CDC42BPA: variants seen among roughly 807,000 people sequenced by gnomAD.
The protein encoded by CDC42BPA is CDC42 binding protein kinase alpha.
Under a neutral mutation model 223.5 loss-of-function variants are expected in CDC42BPA, and 80 were observed. That is an observed-to-expected ratio of 0.36 (90% CI 0.30 to 0.43). CDC42BPA has a LOEUF of 0.43. Among genes scored for constraint, CDC42BPA ranks in the 20% least tolerant of loss-of-function variants. CDC42BPA has a pLI of 1.00. For missense variants in CDC42BPA, 1,743 were observed against 2,099.9 expected, an observed-to-expected ratio of 0.83 and a Z score of 3.32; for synonymous variants, 694 against 718.6, an observed-to-expected ratio of 0.97 and a Z score of 0.55.
chr1:227,183,929 C>T (rs1208018092), intron 5 of CDC42BPA, among the ~76,000 whole-genome samples: 1 of 152,154 alleles, frequency 6.6e-6, no homozygotes, highest in African/African-American at 2.4e-5. Context: ...TTTTAACTGG[C>T]ATTTTCGTAA....
intron 2 of CDC42BPA, among the ~76,000 whole-genome samples, chr1:227,247,672 G>A (rs1018669090): frequency 3.3e-5 from 5 of 151,302 alleles, no homozygotes; most frequent in Non-Finnish European, 7.4e-5. Context: ...ATCATCTGAC[G>A]TCAGGAGTTC....
chr1:227,135,317 A>T lies in CDC42BPA; in HGVS notation c.1390+4259T>A, dbSNP rs75963817. Among the ~76,000 whole-genome samples the T allele has an allele frequency of 3.7e-3, 562 of 152,300 alleles. 3 individuals are homozygous for T. Among genetic ancestry groups the T allele is most frequent in the African/African-American group, 0.013 (543 of 41,566 alleles). ...AGGGAGCTTTGAAAAGTCAGACAGA[A>T]ATCTCCGATAGTACAGAATTATTTC... is the stretch of plus-strand genomic sequence containing the variant. On this transcript the variant is annotated intron_variant, in intron 10 of 36. Transcript: ENST00000366766.
intron 2 of CDC42BPA, among the ~76,000 whole-genome samples, chr1:227,214,774 A>G (rs576768966): frequency 6.6e-5 from 10 of 152,280 alleles, no homozygotes; most frequent in African/African-American, 2.4e-4. Flanking sequence ...ACAGTACTCT[A>G]CAATTCACCA....
chr1:227,200,214 T>G (rs990420158), intron 3 of CDC42BPA, among the ~76,000 whole-genome samples: 5 of 152,168 alleles, frequency 3.3e-5, no homozygotes, highest in African/African-American at 1.2e-4. Context: ...GCAGATTGCT[T>G]GAGCACAGGA....
intron 27 of CDC42BPA, among the ~76,000 whole-genome samples, chr1:227,031,988 A>T (rs1222505375): frequency 3.3e-5 from 5 of 152,230 alleles, no homozygotes; most frequent in Non-Finnish European, 5.9e-5. Context: ...AGGACATACA[A>T]CTACAAGTCT....
intron 11 of CDC42BPA, among the ~76,000 whole-genome samples, chr1:227,126,523 A>AGGAAGGAAGGAAG (rs1558556516): frequency 9.3e-5 from 9 of 96,510 alleles, no homozygotes; most frequent in Admixed American, 7.0e-4. Flanking sequence ...AAGGAAGGTA[A>AGGAAGGAAGGAAG]GAAAGGAAAA....
At chr1:227,071,884 T>C (rs939789666) in intron 20 of CDC42BPA, among the ~76,000 whole-genome samples, 3 of 151,670 alleles carry the variant, frequency 2.0e-5, no homozygotes, top group African/African-American at 7.3e-5. Context: ...AAAATAAAAT[T>C]TTTTTCCAAT....
intron 1 of CDC42BPA, among the ~76,000 whole-genome samples, chr1:227,255,991 A>G (rs1226978078): frequency 6.6e-6 from 1 of 152,216 alleles, no homozygotes; most frequent in Non-Finnish European, 1.5e-5. Context: ...CAACCCATAG[A>G]ATGGGAAAAG....
chr1:227,130,748 G>A (rs187854265), intron 10 of CDC42BPA, among the ~76,000 whole-genome samples: 215 of 152,206 alleles, frequency 1.4e-3, no homozygotes, highest in African/African-American at 4.1e-3. Flanking sequence ...CCAGCTACTC[G>A]GGAGGCTGAG....
At chr1:227,146,723 T>C (rs1660774001) in intron 7 of CDC42BPA, among the ~76,000 whole-genome samples, 1 of 152,138 alleles carries the variant, frequency 6.6e-6, no homozygotes, top group African/African-American at 2.4e-5. Flanking sequence ...TGATCATAAA[T>C]AACGTTAGAA....
chr1:227,205,924 CTG>C (rs1672640522), intron 3 of CDC42BPA, among the ~76,000 whole-genome samples: 1 of 152,146 alleles, frequency 6.6e-6, no homozygotes, highest in Non-Finnish European at 1.5e-5. Context: ...TGGCATGTGC[CTG>C]TAGTCCCAGC....
intron 2 of CDC42BPA, among the ~76,000 whole-genome samples, chr1:227,253,269 C>G (rs12141148): frequency 1.2e-5 from 1 of 80,114 alleles, no homozygotes; most frequent in African/African-American, 4.0e-5. Flanking sequence ...CGAGAGAGAG[C>G]GCGCGCGCGT....
Position 227,030,068 on chromosome 1 carries a change from G to C in CDC42BPA, c.3838+340C>G, listed in dbSNP as rs567429088. Among the ~76,000 whole-genome samples, 3 of 151,954 alleles carry C rather than the reference G, an allele frequency of 2.0e-5. No homozygotes were observed. In the East Asian group the frequency reaches 5.8e-4, roughly 29 times the overall value. ...GAATCTCTTGAACCCAGGAGGCGGA[G>C]GCTGCAATGAGCCGAGTTCGTGCCA... On this transcript the variant is annotated intron_variant, in intron 29 of 36. Transcript: ENST00000366766.
intron 5 of CDC42BPA, among the ~76,000 whole-genome samples, chr1:227,179,659 A>AAAAAAAAG (rs1216438998): frequency 1.4e-5 from 2 of 146,886 alleles, no homozygotes; most frequent in African/African-American, 5.3e-5. Context: ...AAAAAAAAAA[A>AAAAAAAAG]AGCTATTTTA....
At chr1:227,055,459 C>T (rs1674352850) in intron 21 of CDC42BPA, among the ~76,000 whole-genome samples, 1 of 151,934 alleles carries the variant, frequency 6.6e-6, no homozygotes, top group African/African-American at 2.4e-5. Flanking sequence ...TCAGAATATT[C>T]AATGAATACA....
chr1:227,072,138 T>C, intron 20 of CDC42BPA, 70 bp downstream of exon 20: 1 of 862,252 alleles, frequency 1.2e-6, no homozygotes, highest in Non-Finnish European at 1.8e-6. Flanking sequence ...AATGAATTGA[T>C]TCTTCTGTAA....
At chr1:227,273,464 G>A (rs1394141135) in intron 1 of CDC42BPA, among the ~76,000 whole-genome samples, 1 of 152,016 alleles carries the variant, frequency 6.6e-6, no homozygotes, top group Non-Finnish European at 1.5e-5. Context: ...ACACTCAGGA[G>A]GCTGAGGCTG....
At chr1:227,022,909 C>G (rs1667647478) in intron 32 of CDC42BPA, among the ~76,000 whole-genome samples, 1 of 152,158 alleles carries the variant, frequency 6.6e-6, no homozygotes, top group African/African-American at 2.4e-5. Flanking sequence ...TTCCTCAACT[C>G]TAGATGAGTG....
At chr1:227,259,484 G>A (rs1406198174) in intron 1 of CDC42BPA, among the ~76,000 whole-genome samples, 2 of 150,998 alleles carry the variant, frequency 1.3e-5, no homozygotes, top group Non-Finnish European at 2.9e-5. Flanking sequence ...CCGGTGTTCT[G>A]GCGATTCCTG....
Sources: allele counts gnomAD v4.1 joint callset (sites outside exome capture counted in the v4.1 genomes callset), GRCh38; gene constraint gnomAD v4.1.1; transcripts MANE v1.5; gene names NCBI Gene and HGNC (gene_info 2026-07-23, HGNC 2026-07-21).